Variants in PNPLA6 observed in about 807,000 individuals in gnomAD.
The protein encoded by PNPLA6 is patatin-like phospholipase domain-containing protein 6.
A neutral mutation model predicts 153.7 loss-of-function variants in PNPLA6; 105 were observed. That is an observed-to-expected ratio of 0.68 (90% CI 0.58 to 0.80). The LOEUF is 0.80. Ranked by LOEUF, PNPLA6 falls within the 30% of genes least tolerant of loss-of-function variation. The probability of loss-of-function intolerance (pLI) is 0.00; values close to 1 mark genes in which losing one functional copy is unlikely to be tolerated. For missense variants in PNPLA6, 1,423 were observed against 1,919.3 expected (o/e 0.74, Z 4.83); for synonymous variants, 825 against 822.2 (o/e 1.00, Z -0.06).
In PNPLA6 at chr19:7,554,652, G is replaced by T. The variant is rs144375033; in HGVS notation, c.2563G>T (p.Val855Leu). The T allele has an allele frequency of 1.9e-6, 3 of 1,613,994 alleles. No homozygotes were observed. The highest frequency in any genetic ancestry group is 1.7e-6 in the Non-Finnish European group (2 of 1,180,010). ...QTDASLTPWTVRCLRQADCIL... is the reference protein window; with the variant it reads ...QTDASLTPWTLRCLRQADCIL... ...GGACGCCTCGCTGACGCCCTGGACC[G>T]TGCGCTGCCTGCGACAGGCCGACTG... The change falls in exon 21 of 32, where the codon GTG (valine) becomes TTG (leucine). Residue 855 changes from valine to leucine, a missense_variant. Coordinates refer to ENST00000600737, the MANE Select transcript of PNPLA6 (RefSeq NM_001166114.2).
intron 13 of PNPLA6, among the ~76,000 whole-genome samples, chr19:7,549,496 T>TC (rs59753320): frequency 3.1e-5 from 4 of 127,610 alleles, no homozygotes; most frequent in African/African-American, 5.7e-5. Flanking sequence ...TTCTTCTTCT[T>TC]TTTTTTTTTA....
chr19:7,544,674 G>A (rs939275879), intron 13 of PNPLA6, among the ~76,000 whole-genome samples: 4 of 152,082 alleles, frequency 2.6e-5, no homozygotes, highest in African/African-American at 9.7e-5. Context: ...AGAGAAGCCT[G>A]GGGCAGGGTT....
Position 7,555,833 on chromosome 19 carries a change from A to G in PNPLA6, c.3093+70A>G. On this transcript the variant is annotated intron_variant, in intron 24 of 31. Coordinates refer to ENST00000600737, the MANE Select transcript of PNPLA6 (RefSeq NM_001166114.2). The surrounding 1 kb of genome is among the most constrained non-coding windows in gnomAD (Gnocchi z 6.3). ...AAACCCGTGGTTCCAACCTAACCTG[A>G]TCCCATGGGGGAGCCTCCGGGGTCA... 6.5e-7 allele frequency: 1 copy of G among 1,537,574 alleles called. No homozygotes were observed. The highest frequency in any genetic ancestry group is 8.9e-7 in the Non-Finnish European group (1 of 1,120,024).
chr19:7,548,720 CACACACATATATAT>C (rs1305791488), intron 13 of PNPLA6, among the ~76,000 whole-genome samples: 4,243 of 21,844 alleles, frequency 0.19, 217 homozygotes, highest in African/African-American at 0.33. Flanking sequence ...TATATATATA[CACACACATATATAT>C]ACACACATAT....
At chr19:7,542,331 AC>A (rs2023188300) in intron 10 of PNPLA6, among the ~76,000 whole-genome samples, 1 of 152,140 alleles carries the variant, frequency 6.6e-6, no homozygotes, top group African/African-American at 2.4e-5. Context: ...TCAGACTGCA[AC>A]TGTGGTTACT....
Position 7,551,080 on chromosome 19 carries a change from G to A in PNPLA6, c.2157G>A (p.Leu719=), listed in dbSNP as rs2023622583. 1.3e-6 allele frequency: 2 copies of A among 1,549,448 alleles called. No homozygotes were observed. The highest frequency in any genetic ancestry group is 2.7e-5 in the African/African-American group (2 of 73,112). The change falls in exon 17 of 32, where the codon TTG becomes TTA. Residue 719 remains leucine, a synonymous_variant. Transcript: ENST00000600737. ...TGGCCAAGCTTCCCGAGGGCACCTT[G>A]GGTCACATCAAACGCCGGTACCCGC... ...TELAKLPEGT[L]GHIKRRYPQV...
In PNPLA6 at chr19:7,541,721, C is replaced by T. The variant is rs1462640383; in HGVS notation, c.1168+37C>T. ...CCCGAGGCCAGCCGAGCCCAATCTCCCAGGAAGCCCCGTCTCAGCCGCCAG... is the reference window on the plus strand; with the variant it reads ...CCCGAGGCCAGCCGAGCCCAATCTCTCAGGAAGCCCCGTCTCAGCCGCCAG... On this transcript the variant is annotated intron_variant, in intron 9 of 31. Transcript: ENST00000600737. This position sits in a 1 kb window ranked among gnomAD's most constrained non-coding sequence, Gnocchi z 5.2. 6.5e-7 allele frequency: 1 copy of T among 1,547,060 alleles called. No homozygotes were observed. Among genetic ancestry groups the T allele is most frequent in the Admixed American group, 1.9e-5 (1 of 51,962 alleles).
intron 21 of PNPLA6, 37 bp downstream of exon 21, chr19:7,554,760 GGT>G (rs201482682): frequency 4.4e-6 from 7 of 1,606,046 alleles, no homozygotes; most frequent in Non-Finnish European, 5.9e-6. Context: ...ACCCACCTCG[GGT>G]CCCGTCCTTT....
rs2023826142 is a variant in PNPLA6, at chr19:7,555,286, A to G, written c.2855A>G (p.Asp952Gly). 3.1e-6 allele frequency: 5 copies of G among 1,593,814 alleles called. No individual in the cohort carries two copies. In the East Asian group the frequency reaches 9.1e-5, roughly 29 times the overall value. ...GAGAAGGTTTTCTCCAGGCGCGCGG[A>G]CCGGCACAGCGACTTCTCCCGCTTG... ...LYEKVFSRRA[D>G]RHSDFSRLAR... Residue 952 changes from aspartate (D) to glycine (G), a missense_variant, in exon 23 of 32, where the codon GAC (aspartate) becomes GGC (glycine). Physicochemically the swap from Asp to Gly is moderately conservative, Grantham distance 94. This residue lies in a region of PNPLA6 where 643 missense variants were observed against 835.2 expected (regional missense o/e 0.77). Transcript: ENST00000600737. This position sits in a 1 kb window ranked among gnomAD's most constrained non-coding sequence, Gnocchi z 6.3.
In PNPLA6 at chr19:7,542,363, T is replaced by C. The variant is rs544691051; in HGVS notation, c.1253-198T>C. On this transcript the variant is annotated intron_variant, in intron 10 of 31. Transcript: ENST00000600737. ...TTACTCTCATCTTTTTCTTTTCTTTTGAGACCTGTCTCCCAGGCTAGAGTG... is the reference window on the plus strand; with the variant it reads ...TTACTCTCATCTTTTTCTTTTCTTTCGAGACCTGTCTCCCAGGCTAGAGTG... The C allele has an allele frequency of 2.2e-5, 14 of 629,214 alleles. No homozygotes were observed. The East Asian group carries it at 3.8e-4, about 17-fold the overall frequency. The allele number at this position is 629,214 out of a possible 1,614,324, so 39.0% of individuals were successfully genotyped here.
At chr19:7,536,765 A>G (rs1467181820) in intron 3 of PNPLA6, among the ~76,000 whole-genome samples, 2 of 152,044 alleles carry the variant, frequency 1.3e-5, no homozygotes, top group Non-Finnish European at 2.9e-5. Context: ...CATCTGTACT[A>G]AAAATACAAA....
At chr19:7,552,769 G>GAAAAAA (rs2023710795) in intron 18 of PNPLA6, among the ~76,000 whole-genome samples, 1 of 26,076 alleles carries the variant, frequency 3.8e-5, no homozygotes, top group African/African-American at 1.7e-4. Context: ...AAAAAAAAAA[G>GAAAAAA]AAAGAAAAAA....
At chr19:7,542,538 G>T (rs1449581866) in intron 10 of PNPLA6, 23 bp from the exon 11 acceptor site, 12 of 1,569,384 alleles carry the variant, frequency 7.6e-6, no homozygotes, top group Admixed American at 1.7e-5. Context: ...TATGGTTTTT[G>T]TTGCCCCCCT....
intron 3 of PNPLA6, among the ~76,000 whole-genome samples, chr19:7,538,130 G>A (rs1033814881): frequency 9.2e-5 from 14 of 152,106 alleles, no homozygotes; most frequent in Non-Finnish European, 2.9e-5. Context: ...CTAGGGAAGA[G>A]TTAGCCCAAG....
At chr19:7,551,241 G>C in intron 17 of PNPLA6, 121 bp from the exon 18 acceptor site, 1 of 1,111,784 alleles carries the variant, frequency 9.0e-7, no homozygotes, top group South Asian at 1.3e-5. Context: ...GTGAGGGCGG[G>C]GGCTCTCGGG....
At chr19:7,543,471 C>T (rs1167167928) in intron 13 of PNPLA6, among the ~76,000 whole-genome samples, 4 of 152,230 alleles carry the variant, frequency 2.6e-5, no homozygotes, top group East Asian at 1.9e-4. Context: ...GGCTACAAAT[C>T]GCCATCTGGC....
chr19:7,539,942 G>A lies in PNPLA6; in HGVS notation c.438G>A (p.Thr146=), dbSNP rs559066236. ...GGATCCTGCGCATCCAGAAAGAGACGCCCACGCTGCAGCGGAAGGAGCCCC... is the reference window on the plus strand; with the variant it reads ...GGATCCTGCGCATCCAGAAAGAGACACCCACGCTGCAGCGGAAGGAGCCCC... ...AKKILRIQKE[T]PTLQRKEPPP... Residue 146 remains threonine, a synonymous_variant, in exon 4 of 32, where the codon ACG becomes ACA. Transcript: ENST00000600737. 1.6e-5 allele frequency: 25 copies of A among 1,558,066 alleles called. No homozygotes were observed. The highest frequency in any genetic ancestry group is 4.8e-5 in the East Asian group (2 of 41,904).
At chr19:7,542,119 C>G in intron 10 of PNPLA6, 52 bp downstream of exon 10, 1 of 1,407,308 alleles carries the variant, frequency 7.1e-7, no homozygotes, top group Non-Finnish European at 1.0e-6. Context: ...AGGTTTGAAT[C>G]CAGGTCCACC....
intron 13 of PNPLA6, among the ~76,000 whole-genome samples, chr19:7,545,307 G>A (rs1337974300): frequency 3.9e-5 from 6 of 152,082 alleles, no homozygotes; most frequent in East Asian, 2.0e-4. Context: ...GATTACAGGC[G>A]TGATCCTCGG....
Sources: gnomAD v4.1 joint callset for allele counts (sites outside exome capture counted in the v4.1 genomes callset) on GRCh38, gnomAD v4.1.1 for gene constraint, gnomAD v4.1.1 regional missense constraint, Gnocchi (gnomAD v3.1) non-coding constraint, MANE v1.5 for transcripts, NCBI Gene and HGNC (gene_info 2026-07-23, HGNC 2026-07-21) for gene names.